Variants in TLK2 observed in about 807,000 individuals in gnomAD.
TLK2 encodes the protein tousled like kinase 2, also known as serine/threonine-protein kinase tousled-like 2.
TLK2 carries 6 observed loss-of-function variants against 117.3 expected under a neutral mutation model. The ratio of observed to expected loss-of-function variants is 0.05; its 90% confidence interval spans 0.03 to 0.10. The LOEUF (loss-of-function observed/expected upper bound fraction) is 0.10, where lower values mean the gene tolerates loss of function less well. Among genes scored for constraint, TLK2 ranks in the 10% least tolerant of loss-of-function variants. TLK2 has a pLI of 1.00. For synonymous variants in TLK2, 257 were observed against 316.7 expected, an observed-to-expected ratio of 0.81 and a Z score of 2.00; for missense variants, 299 against 901.2, an observed-to-expected ratio of 0.33 and a Z score of 8.56.
rs552892403 is a variant in TLK2, at chr17:62,613,286, C to A, written c.*721C>A. 6.6e-6 allele frequency: 1 copy of A among 152,538 alleles called. No individual in the cohort carries two copies. The highest frequency in any genetic ancestry group is 2.4e-5 in the African/African-American group (1 of 41,416). The allele number at this position is 152,538 out of a possible 1,614,324, so 9.4% of individuals were successfully genotyped here. A position where few individuals can be genotyped will look rare whatever the true frequency, so the allele number is the denominator to read the frequency against. ...TCTGGTCTCCTGTTTGCAATTGCTT[C>A]CCTCATCTCAGTAGGGAAAAAATTG... On this transcript the variant is annotated 3_prime_UTR_variant, in exon 22 of 22. Transcript: ENST00000346027.
chr17:62,520,961 C>G (rs996813208), intron 3 of TLK2, 117 bp downstream of exon 3: 23 of 1,184,228 alleles, frequency 1.9e-5, no homozygotes, highest in Non-Finnish European at 2.8e-5. Context: ...TTGCTTGAGG[C>G]TGGGAGTTGG....
chr17:62,501,856 A>G (rs2074226116), intron 2 of TLK2, among the ~76,000 whole-genome samples: 1 of 152,030 alleles, frequency 6.6e-6, no homozygotes, highest in South Asian at 2.1e-4. Context: ...GGTCCCAGCT[A>G]CTTGAGAGAC....
intron 19 of TLK2, among the ~76,000 whole-genome samples, chr17:62,603,897 C>G (rs549995786): frequency 6.6e-6 from 1 of 152,006 alleles, no homozygotes; most frequent in East Asian, 1.9e-4. Context: ...TAAAAATAAT[C>G]CTGAAGGGTA....
At chr17:62,534,704 T>C (rs1484150561) in intron 6 of TLK2, among the ~76,000 whole-genome samples, 1 of 152,012 alleles carries the variant, frequency 6.6e-6, no homozygotes, top group African/African-American at 2.4e-5. Context: ...TTACTTCATT[T>C]TTTTCTTTTT....
intron 9 of TLK2, among the ~76,000 whole-genome samples, chr17:62,556,778 C>T (rs1431553589): frequency 6.6e-6 from 1 of 152,150 alleles, no homozygotes; most frequent in Non-Finnish European, 1.5e-5. Context: ...CTTCTTGACT[C>T]TTAGCTTGAA....
rs1235239638 is a variant in TLK2 at position 62,565,152 on chromosome 17, A to T, written c.968+15A>T. On this transcript the variant is annotated intron_variant, in intron 11 of 21. Transcript: ENST00000346027. ...AATCTTATCAAGTAAGTGAATTGTT[A>T]TGATTAAATGGAGAATTGAAAAGTT... is the stretch of plus-strand genomic sequence containing the variant. 6.3e-7 allele frequency: 1 copy of T among 1,593,580 alleles called. No individual in the cohort carries two copies. The highest frequency in any genetic ancestry group is 8.5e-7 in the Non-Finnish European group (1 of 1,174,610).
chr17:62,546,855 C>T (rs999167311), intron 7 of TLK2, among the ~76,000 whole-genome samples: 14 of 151,886 alleles, frequency 9.2e-5, no homozygotes, highest in African/African-American at 3.1e-4. Flanking sequence ...ACACCGCACC[C>T]GGCCTCTTCT....
chr17:62,556,400 G>A (rs988075313), intron 9 of TLK2, among the ~76,000 whole-genome samples: 4 of 152,076 alleles, frequency 2.6e-5, no homozygotes, highest in Non-Finnish European at 5.9e-5. Context: ...ATCTGTTGAT[G>A]GTGGTACATT....
chr17:62,499,534 T>C (rs888791687), intron 2 of TLK2, among the ~76,000 whole-genome samples: 14 of 151,990 alleles, frequency 9.2e-5, no homozygotes, highest in Non-Finnish European at 1.6e-4. Flanking sequence ...GGACCAGAAC[T>C]CAAGGAGCCA....
chr17:62,575,028 A>G (rs189444824), intron 12 of TLK2, among the ~76,000 whole-genome samples: 315 of 152,354 alleles, frequency 2.1e-3, no homozygotes, highest in African/African-American at 7.3e-3. Context: ...TATTTTGTGA[A>G]GGGACTTTCC....
chr17:62,518,031 C>T (rs1432203592), intron 2 of TLK2, among the ~76,000 whole-genome samples: 1 of 152,198 alleles, frequency 6.6e-6, no homozygotes, highest in Non-Finnish European at 1.5e-5. Flanking sequence ...AGTGTGGGAC[C>T]TCCAACTTAG....
intron 7 of TLK2, among the ~76,000 whole-genome samples, chr17:62,543,404 T>G (rs1479934685): frequency 2.0e-5 from 3 of 152,208 alleles, no homozygotes; most frequent in African/African-American, 7.2e-5. Context: ...TGGTAACTGT[T>G]TTTGAGGAAC....
chr17:62,527,281 T>G (rs180769497), intron 6 of TLK2, among the ~76,000 whole-genome samples: 17 of 152,374 alleles, frequency 1.1e-4, no homozygotes, highest in Non-Finnish European at 2.9e-5. Context: ...ATTTTAATTC[T>G]AAGTTATTGG....
At chr17:62,587,016 C>T (rs187615060) in intron 16 of TLK2, among the ~76,000 whole-genome samples, 1 of 152,062 alleles carries the variant, frequency 6.6e-6, no homozygotes, top group African/African-American at 2.4e-5. Flanking sequence ...TTGCCCATCT[C>T]AAAGTTCTTG....
intron 10 of TLK2, among the ~76,000 whole-genome samples, chr17:62,561,953 T>G (rs901380407): frequency 6.6e-6 from 1 of 152,232 alleles, no homozygotes; most frequent in African/African-American, 2.4e-5. Context: ...AGGAGTAGTA[T>G]ATAACAAAAT....
At chr17:62,494,832 A>T (rs1167220057) in intron 2 of TLK2, among the ~76,000 whole-genome samples, 1 of 152,172 alleles carries the variant, frequency 6.6e-6, no homozygotes, top group East Asian at 1.9e-4. Flanking sequence ...GAGTATAATT[A>T]ACTTGTTCAT....
At chr17:62,584,312 G>A (rs1481050491) in intron 15 of TLK2, among the ~76,000 whole-genome samples, 2 of 150,980 alleles carry the variant, frequency 1.3e-5, no homozygotes, top group Non-Finnish European at 3.0e-5. Context: ...GTAGAGACAG[G>A]GTTTCACCAT....
At chr17:62,596,551 A>G (rs1425539988) in intron 16 of TLK2, 34 bp from the exon 17 acceptor site, 2 of 1,540,740 alleles carry the variant, frequency 1.3e-6, no homozygotes, top group Non-Finnish European at 1.8e-6. Flanking sequence ...GCAGGCCAAT[A>G]TACCTTCTTG....
intron 7 of TLK2, among the ~76,000 whole-genome samples, chr17:62,543,370 G>A (rs556142786): frequency 9.2e-5 from 14 of 152,148 alleles, no homozygotes; most frequent in Non-Finnish European, 1.8e-4. Flanking sequence ...GATATATGCT[G>A]GAGAGTGAAA....
Sources: gnomAD v4.1 joint callset for allele counts (sites outside exome capture counted in the v4.1 genomes callset) on GRCh38, gnomAD v4.1.1 for gene constraint, MANE v1.5 for transcripts, NCBI Gene and HGNC (gene_info 2026-07-23, HGNC 2026-07-21) for gene names.